Variants in PKHD1 observed in about 807,000 individuals in gnomAD.
PKHD1 encodes the protein fibrocystin.
A neutral mutation model predicts 412.0 loss-of-function variants in PKHD1; 291 were observed. The ratio of observed to expected loss-of-function variants is 0.71; its 90% CI spans 0.64 to 0.78. The LOEUF (loss-of-function observed/expected upper bound fraction) is 0.78. Ranked by LOEUF, PKHD1 falls within the 30% of genes least tolerant of loss-of-function variation. The pLI is 0.00. For synonymous variants in PKHD1, 1,777 were observed against 1,821.5 expected (o/e 0.98, Z 0.62); for missense variants, 4,825 against 4,950.7 (o/e 0.97, Z 0.76).
intron 60 of PKHD1, among the ~76,000 whole-genome samples, chr6:51,708,288 C>G (rs1780244578): frequency 6.6e-6 from 1 of 152,160 alleles, no homozygotes; most frequent in Non-Finnish European, 1.5e-5. Flanking sequence ...TTTCACTTCA[C>G]AAATCTCACT....
intron 35 of PKHD1, among the ~76,000 whole-genome samples, chr6:51,978,391 G>T (rs1794725579): frequency 6.6e-6 from 1 of 152,132 alleles, no homozygotes; most frequent in East Asian, 1.9e-4. Flanking sequence ...ACCTCAGCCA[G>T]GGGCATTTCA....
At chr6:51,921,844 G>A (rs532017115) in intron 37 of PKHD1, among the ~76,000 whole-genome samples, 1 of 152,034 alleles carries the variant, frequency 6.6e-6, no homozygotes, top group African/African-American at 2.4e-5. Flanking sequence ...TTTTTTCAAG[G>A]TTTGTAGCTT....
chr6:52,076,206 C>A (rs1315298781), intron 6 of PKHD1, 70 bp downstream of exon 6: 3 of 1,047,400 alleles, frequency 2.9e-6, no homozygotes, highest in Non-Finnish European at 4.5e-6. Flanking sequence ...AAAAACCACT[C>A]ACCTAGGTTT....
chr6:52,025,746 G>C lies in PKHD1; in HGVS notation c.4064C>G (p.Pro1355Arg). The C allele has an allele frequency of 6.2e-7, 1 of 1,614,174 alleles. No individual in the cohort carries two copies. The highest frequency in any genetic ancestry group is 1.1e-5 in the South Asian group (1 of 91,078). ...GATGCCAGCCTCCAGACTGTGAAGAGGGATGGAGCATCCAGACAGGCTCAC... is the reference window on the plus strand; with the variant it reads ...GATGCCAGCCTCCAGACTGTGAAGACGGATGGAGCATCCAGACAGGCTCAC... Reference protein sequence around the residue: ...GNVSLSGCSIPLHSLEAGIYP... With the variant: ...GNVSLSGCSIRLHSLEAGIYP... Residue 1355 changes from proline (P) to arginine (R), a missense_variant, in exon 32 of 67, where the codon CCT becomes CGT. Coordinates refer to ENST00000371117, the MANE Select transcript of PKHD1 (RefSeq NM_138694.4).
chr6:51,926,038 A>AAATAAATTCTGGGAGAGGT (rs1785557632), intron 37 of PKHD1, among the ~76,000 whole-genome samples: 1 of 152,178 alleles, frequency 6.6e-6, no homozygotes, highest in African/African-American at 2.4e-5. Flanking sequence ...AGAGGTAATA[A>AAATAAATTCTGGGAGAGGT]AATAAATACA....
In PKHD1 at chr6:52,017,456, G is replaced by C; in HGVS notation, c.5554C>G (p.His1852Asp). The C allele has an allele frequency of 6.2e-7, 1 of 1,614,052 alleles. No individual in the cohort carries two copies. The highest frequency in any genetic ancestry group is 1.3e-5 in the African/African-American group (1 of 75,068). The change falls in exon 34 of 67, where the codon CAT (histidine) becomes GAT (aspartate). Residue 1852 changes from histidine (H) to aspartate (D), a missense_variant. Coordinates refer to ENST00000371117, the MANE Select transcript of PKHD1 (RefSeq NM_138694.4). Reference sequence around the variant, plus strand: ...GATGGAAACATTGACTCTGCCCAATGATCTGGCACAAAGAGGCATTGGGAA... The same window carrying C: ...GATGGAAACATTGACTCTGCCCAATCATCTGGCACAAAGAGGCATTGGGAA... The part of the protein sequence containing the change: ...ESSQCLFVPD[H>D]WAESMFPSFS...
rs1802152294 is a variant in PKHD1 at position 52,026,148 on chromosome 6, A to G, written c.3662T>C (p.Phe1221Ser). ...GTILSISGIG[F>S]SRDPALVWVL... The stretch of plus-strand genomic sequence containing the variant: ...CCAAACCAAAGCTGGGTCCCTGCTG[A>G]AGCCTATTCCTGAGATGCTGAGGAT... Residue 1221 changes from phenylalanine to serine, a missense_variant, in exon 32 of 67, where the codon TTC (phenylalanine) becomes TCC (serine). Coordinates refer to ENST00000371117, the MANE Select transcript of PKHD1 (RefSeq NM_138694.4). 6.2e-7 allele frequency: 1 copy of G among 1,614,034 alleles called. No homozygotes were observed. Among genetic ancestry groups the G allele is most frequent in the Admixed American group, 1.7e-5 (1 of 60,010 alleles).
Position 51,857,752 on chromosome 6 carries a change from C to T in PKHD1, c.7734-1682G>A, listed in dbSNP as rs555612566. The stretch of plus-strand genomic sequence containing the variant: ...TTCAGGATATTCGGTCATTTAAAAA[C>T]ATACCAAAAACCCTTCCATGGTACA... On this transcript the variant is annotated intron_variant, in intron 48 of 66. Transcript: ENST00000371117. 7.1e-4 allele frequency among the ~76,000 whole-genome samples: 108 copies of T among 152,286 alleles called. 1 individual carries two copies. Among genetic ancestry groups the T allele is most frequent in the Non-Finnish European group, 1.6e-4 (11 of 68,016 alleles).
intron 22 of PKHD1, 41 bp downstream of exon 22, chr6:52,050,116 T>C (rs754474992): frequency 8.7e-6 from 14 of 1,606,918 alleles, no homozygotes; most frequent in Non-Finnish European, 9.4e-6. Flanking sequence ...CCAACAAGCA[T>C]TCTTAGGAGA....
intron 27 of PKHD1, among the ~76,000 whole-genome samples, chr6:52,038,486 C>T (rs1170473959): frequency 1.3e-5 from 2 of 151,926 alleles, no homozygotes; most frequent in Non-Finnish European, 2.9e-5. Flanking sequence ...TGGTGTTCTA[C>T]CAGCCAAGGA....
At chr6:51,639,423 A>G (rs1185860699) in intron 63 of PKHD1, among the ~76,000 whole-genome samples, 4 of 152,078 alleles carry the variant, frequency 2.6e-5, no homozygotes, top group Non-Finnish European at 5.9e-5. Flanking sequence ...GTCAGTTTCT[A>G]CAGTCTGTCT....
chr6:51,776,909 G>T (rs936440611), intron 53 of PKHD1, among the ~76,000 whole-genome samples: 1 of 152,014 alleles, frequency 6.6e-6, no homozygotes, highest in African/African-American at 2.4e-5. Flanking sequence ...AATTGTTCAG[G>T]GAATTTGTCA....
intron 66 of PKHD1, chr6:51,623,026 A>T (rs1351386800): frequency 6.6e-6 from 1 of 152,148 alleles, no homozygotes; most frequent in Non-Finnish European, 1.5e-5. Flanking sequence ...TATCTTAAGA[A>T]TAGTGACATA....
At chr6:51,700,867 A>G (rs545355268) in intron 60 of PKHD1, among the ~76,000 whole-genome samples, 1 of 152,270 alleles carries the variant, frequency 6.6e-6, no homozygotes, top group Non-Finnish European at 1.5e-5. Context: ...TTGTTCAGAA[A>G]TGAAGTCGCC....
At chr6:51,656,679 A>C (rs199785923) in intron 61 of PKHD1, among the ~76,000 whole-genome samples, 1 of 97,260 alleles carries the variant, frequency 1.0e-5, no homozygotes, top group Non-Finnish European at 2.5e-5. Context: ...TTTTTTTTTT[A>C]AGACAGTATC....
At chr6:51,827,545 T>C (rs1165110444) in intron 52 of PKHD1, among the ~76,000 whole-genome samples, 2 of 152,104 alleles carry the variant, frequency 1.3e-5, no homozygotes, top group Non-Finnish European at 2.9e-5. Context: ...ATCCCCAATA[T>C]ACCCTTGTGT....
chr6:51,624,324 C>G (rs1766985732), intron 66 of PKHD1, among the ~76,000 whole-genome samples: 2 of 152,138 alleles, frequency 1.3e-5, no homozygotes, highest in African/African-American at 4.8e-5. Flanking sequence ...AGAAAATGTT[C>G]ATTTTTTATT....
intron 43 of PKHD1, among the ~76,000 whole-genome samples, chr6:51,898,213 T>A (rs1780482744): frequency 6.6e-6 from 1 of 151,856 alleles, no homozygotes; most frequent in African/African-American, 2.4e-5. Context: ...GAATATACAT[T>A]TTTTTCAGCA....
At chr6:51,874,784 T>TGGTGG (rs1562513900) in intron 46 of PKHD1, among the ~76,000 whole-genome samples, 366 of 71,538 alleles carry the variant, frequency 5.1e-3, no homozygotes, top group East Asian at 0.013. Context: ...AAAAATGAGC[T>TGGTGG]CCGGTCTACA....
Sources: gnomAD v4.1 joint callset for allele counts (sites outside exome capture counted in the v4.1 genomes callset) on GRCh38, gnomAD v4.1.1 for gene constraint, MANE v1.5 for transcripts, NCBI Gene and HGNC (gene_info 2026-07-23, HGNC 2026-07-21) for gene names.